The following CENPO variants were observed in gnomAD, a reference collection of about 807,000 sequenced individuals.
CENPO encodes centromere protein O, also known as centromeric protein O.
CENPO carries 30 observed loss-of-function variants against 36.1 expected under a neutral mutation model. That is an observed-to-expected ratio of 0.83 (90% CI 0.62 to 1.13). CENPO has a LOEUF of 1.13. Ranked by LOEUF, CENPO falls within the 50% of genes most tolerant of loss-of-function variation. CENPO has a pLI of 0.00. For missense variants in CENPO, 349 were observed against 357.8 expected (o/e 0.98, Z 0.20); for synonymous variants, 171 against 142.3 (o/e 1.20, Z -1.44).
intron 2 of CENPO, 73 bp from the exon 3 acceptor site, chr2:24,799,602 C>G (rs1374538334): frequency 7.9e-7 from 1 of 1,261,896 alleles, no homozygotes; most frequent in East Asian, 2.4e-5. Context: ...ACCTGTTCTT[C>G]CCTGAGATGC....
intron 3 of CENPO, among the ~76,000 whole-genome samples, chr2:24,804,168 T>C (rs886951381): frequency 6.6e-6 from 1 of 152,168 alleles, no homozygotes; most frequent in Admixed American, 6.5e-5. Flanking sequence ...TTTTTTTTTG[T>C]TTTCCATTTG....
chr2:24,820,170 GCGGGT>G lies in CENPO; in HGVS notation c.*853_*857del. Reference sequence around the variant, plus strand: ...GTTACGGGGGGAGCCTAGACTGAGGGCGGGTGGGGGCTTTGGGTGGTTGGAGCCGA... The same window carrying G: ...GTTACGGGGGGAGCCTAGACTGAGGGGGGGGCTTTGGGTGGTTGGAGCCGA... On this transcript the variant is annotated 3_prime_UTR_variant, in exon 8 of 8. Transcript: ENST00000380834. The G allele has an allele frequency of 7.5e-7, 1 of 1,330,356 alleles. No homozygotes were observed. The highest frequency in any genetic ancestry group is 1.0e-6 in the Non-Finnish European group (1 of 983,622). 82.4% of individuals were successfully genotyped at this position (1,330,356 alleles called of 1,614,324 possible). A position where few individuals can be genotyped will look rare whatever the true frequency, so the allele number is the denominator to read the frequency against.
chr2:24,811,029 T>G (rs1666651315), intron 3 of CENPO, among the ~76,000 whole-genome samples: 1 of 149,100 alleles, frequency 6.7e-6, no homozygotes, highest in African/African-American at 2.5e-5. Flanking sequence ...CTGCAATTTC[T>G]GCCTCCTGGC....
At position 24,793,520 on chromosome 2, in the gene CENPO, G is replaced by A. The variant is rs374352970; in HGVS notation, c.-69+19G>A. The stretch of plus-strand genomic sequence containing the variant: ...GGCCTGGGTGAGCTAGAAGGGAGAA[G>A]GTAGGGGAAAGACCCATTGTCGGAC... On this transcript the variant is annotated intron_variant, in intron 1 of 7. Transcript: ENST00000380834. The A allele has an allele frequency of 1.1e-5, 17 of 1,575,956 alleles. No homozygotes were observed. The African/African-American group carries it at 1.9e-4, about 18-fold the overall frequency.
chr2:24,821,341 G>C lies in CENPO; in HGVS notation c.*2023G>C, dbSNP rs1303250652. ...TCACATCAGCTGGGTTTTTGGTTTA[G>C]TCATCTAGAGTCGTCTGGACTAAAG... On this transcript the variant is annotated 3_prime_UTR_variant, in exon 8 of 8. Transcript: ENST00000380834. The C allele has an allele frequency of 1.1e-6, 1 of 898,132 alleles. No homozygotes were observed. 55.6% of individuals were successfully genotyped at this position (898,132 alleles called of 1,614,324 possible).
chr2:24,795,000 C>T (rs1031768045), intron 2 of CENPO, among the ~76,000 whole-genome samples: 2 of 152,136 alleles, frequency 1.3e-5, no homozygotes, highest in Admixed American at 6.5e-5. Flanking sequence ...CCTAAGATGA[C>T]TTAAGCTGAG....
rs1665750896 is a variant in CENPO at position 24,793,851 on chromosome 2, G to A, written c.-68-1G>A. On this transcript the variant is annotated splice_acceptor_variant, in intron 1 of 7. Coordinates refer to ENST00000380834, the MANE Select transcript of CENPO (RefSeq NM_001322101.2). LOFTEE classifies it low-confidence loss of function (5UTR_SPLICE). ...GACTGTTGCCATTTTTCTTTTATTA[G>A]CAAGGACATTGGAGTCCCTATCACC... 1 of 1,611,072 alleles carries A rather than the reference G, an allele frequency of 6.2e-7. No individual in the cohort carries two copies. Among genetic ancestry groups the A allele is most frequent in the African/African-American group, 1.3e-5 (1 of 74,982 alleles).
At chr2:24,804,017 AT>A (rs1666270003) in intron 3 of CENPO, among the ~76,000 whole-genome samples, 1 of 152,106 alleles carries the variant, frequency 6.6e-6, no homozygotes, top group Non-Finnish European at 1.5e-5. Flanking sequence ...GTGCTCCTGT[AT>A]TGGGTGCATA....
intron 6 of CENPO, among the ~76,000 whole-genome samples, chr2:24,817,260 TGAGA>T (rs776806411): frequency 3.9e-5 from 6 of 152,152 alleles, no homozygotes; most frequent in Non-Finnish European, 5.9e-5. Flanking sequence ...CCAGACTGGC[TGAGA>T]GAGAGATTTT....
Position 24,820,768 on chromosome 2 carries a change from CATTGACTGT to C in CENPO, c.*1455_*1463del. ...CCCGTGGACTCCATCCTGCTGGCTA[CATTGACTGT>C]ATTGCCCCAGATGTCGTAGTGTGGT... On this transcript the variant is annotated 3_prime_UTR_variant, in exon 8 of 8. Transcript: ENST00000380834. 6.2e-7 allele frequency: 1 copy of C among 1,614,120 alleles called. No individual in the cohort carries two copies. Among genetic ancestry groups the C allele is most frequent in the Non-Finnish European group, 8.5e-7 (1 of 1,180,006 alleles).
Position 24,820,128 on chromosome 2 carries a change from G to A in CENPO, c.*810G>A. 18 of 1,533,066 alleles carry A rather than the reference G, an allele frequency of 1.2e-5. No individual in the cohort carries two copies. The highest frequency in any genetic ancestry group is 1.5e-5 in the Non-Finnish European group (17 of 1,140,256). 95.0% of individuals were successfully genotyped at this position (1,533,066 alleles called of 1,614,324 possible). A position where few individuals can be genotyped will look rare whatever the true frequency, so the allele number is the denominator to read the frequency against. ...TTCTTCTACCACCTGGAGAGGGAGGGGGAGCAAGAACGTGGCGTTACGGGG... is the reference window on the plus strand; with the variant it reads ...TTCTTCTACCACCTGGAGAGGGAGGAGGAGCAAGAACGTGGCGTTACGGGG... On this transcript the variant is annotated 3_prime_UTR_variant, in exon 8 of 8. Transcript: ENST00000380834.
At chr2:24,816,586 A>C in intron 5 of CENPO, 60 bp from the exon 6 acceptor site, 1 of 1,289,602 alleles carries the variant, frequency 7.8e-7, no homozygotes, top group Non-Finnish European at 1.1e-6. Context: ...AAGGGTCAGT[A>C]AACACCACCT....
intron 3 of CENPO, among the ~76,000 whole-genome samples, chr2:24,802,885 A>C (rs1220368992): frequency 6.6e-6 from 1 of 152,150 alleles, no homozygotes; most frequent in Non-Finnish European, 1.5e-5. Context: ...ATTGATTGGA[A>C]TAGTTTCAGA....
rs781419057 is a variant in CENPO, at chr2:24,817,722, T to C, written c.819T>C (p.Thr273=). The stretch of plus-strand genomic sequence containing the variant: ...AGGAGCAACGAGCATCTCATGAAAC[T>C]CTGTTCTGTACGAAGCCCTTGCATC... ...SWEEQRASHE[T]LFCTKPLHQV... Residue 273 remains threonine (T), a synonymous_variant, in exon 7 of 8, where the codon ACT becomes ACC. Transcript: ENST00000380834. The C allele has an allele frequency of 7.4e-6, 12 of 1,614,196 alleles. No homozygotes were observed. Among genetic ancestry groups the C allele is most frequent in the Non-Finnish European group, 1.0e-5 (12 of 1,180,008 alleles).
chr2:24,815,513 G>T lies in CENPO; in HGVS notation c.351G>T (p.Leu117=). The T allele has an allele frequency of 1.9e-6, 3 of 1,613,810 alleles. No homozygotes were observed. The South Asian group carries it at 3.3e-5, about 18-fold the overall frequency. The change falls in exon 5 of 8, where the codon CTG becomes CTT. Residue 117 remains leucine, a synonymous_variant. Coordinates refer to ENST00000380834, the MANE Select transcript of CENPO (RefSeq NM_001322101.2). ...AYHFTGLSGK[L]TSRGVCVCIS... ...TTGCCTCAGGCCTCAGTGGTAAACT[G>T]ACCAGCCGAGGAGTTTGTGTCTGCA...
chr2:24,798,880 A>T (rs1447124774), intron 2 of CENPO, among the ~76,000 whole-genome samples: 1 of 152,084 alleles, frequency 6.6e-6, no homozygotes, highest in Admixed American at 6.6e-5. Flanking sequence ...CAAGGAGAGA[A>T]GATTAAGGTT....
chr2:24,794,742 T>C (rs921558065), intron 2 of CENPO, among the ~76,000 whole-genome samples: 12 of 152,362 alleles, frequency 7.9e-5, no homozygotes, highest in African/African-American at 2.9e-4. Context: ...GTAATATTTG[T>C]GGACAGTTCT....
chr2:24,820,981 G>C lies in CENPO; in HGVS notation c.*1663G>C, dbSNP rs759943827. 5 of 1,316,774 alleles carry C rather than the reference G, an allele frequency of 3.8e-6. No individual in the cohort carries two copies. Among genetic ancestry groups the C allele is most frequent in the Admixed American group, 2.3e-5 (1 of 44,168 alleles). 81.6% of individuals were successfully genotyped at this position (1,316,774 alleles called of 1,614,324 possible). ...ATCATTGTCCTCATTCAACTTGGCT[G>C]TATGCTATTGGAGGGTGGAAATCAC... On this transcript the variant is annotated 3_prime_UTR_variant, in exon 8 of 8. Transcript: ENST00000380834.
intron 3 of CENPO, among the ~76,000 whole-genome samples, chr2:24,806,340 G>A (rs570417361): frequency 1.3e-4 from 20 of 152,266 alleles, no homozygotes; most frequent in South Asian, 2.1e-4. Flanking sequence ...CTGCACCCAC[G>A]GTCCGACACT....
Sources: allele counts gnomAD v4.1 joint callset (sites outside exome capture counted in the v4.1 genomes callset), GRCh38; gene constraint gnomAD v4.1.1; transcripts MANE v1.5; gene names NCBI Gene and HGNC (gene_info 2026-07-23, HGNC 2026-07-21).